The following RPS6KA3 variants were observed in gnomAD, a reference collection of about 807,000 sequenced individuals.
RPS6KA3 encodes ribosomal protein S6 kinase A3.
RPS6KA3 carries 4 observed loss-of-function variants against 67.2 expected under a neutral mutation model. That is an observed-to-expected ratio of 0.06 (90% CI 0.03 to 0.14). The LOEUF (loss-of-function observed/expected upper bound fraction) is 0.14. RPS6KA3 is among the 10% of genes least tolerant of loss of function. The pLI is 1.00. For synonymous variants in RPS6KA3, 182 were observed against 183.7 expected (o/e 0.99, Z 0.07); for missense variants, 204 against 559.0 (o/e 0.36, Z 6.40).
intron 1 of RPS6KA3, among the ~76,000 whole-genome samples, chrX:20,251,156 A>C (rs1009260249): frequency 9.0e-6 from 1 of 111,465 alleles, no homozygotes; most frequent in African/African-American, 3.3e-5. Flanking sequence ...TTTTGAGATG[A>C]GGTCTCACTG....
At chrX:20,218,877 G>T in intron 2 of RPS6KA3, 1 of 1,157,215 alleles carries the variant, frequency 8.6e-7, no homozygotes, top group Non-Finnish European at 1.2e-6. Context: ...AATTTCTGAC[G>T]GTAAAACTTA....
intron 2 of RPS6KA3, among the ~76,000 whole-genome samples, chrX:20,210,628 C>G (rs954629364): frequency 6.3e-5 from 7 of 111,260 alleles, no homozygotes; most frequent in African/African-American, 2.0e-4. Flanking sequence ...GGAATCCAGG[C>G]CCACTACTTT....
At chrX:20,228,871 C>A (rs1041220287) in intron 2 of RPS6KA3, among the ~76,000 whole-genome samples, 9 of 111,955 alleles carry the variant, frequency 8.0e-5, no homozygotes, top group African/African-American at 1.9e-4. Context: ...ATTTCTTATT[C>A]TCCTTGTTGT....
At chrX:20,175,802 A>G (rs186870625) in intron 13 of RPS6KA3, among the ~76,000 whole-genome samples, 1 of 111,843 alleles carries the variant, frequency 8.9e-6, no homozygotes, top group African/African-American at 3.2e-5. Context: ...GGAACAGGGG[A>G]GATACAAGGT....
In RPS6KA3 at chrX:20,151,876, T is replaced by C. The variant is rs1170709911; in HGVS notation, c.*3522A>G. ...GCTGGGCTTACCTGAGTCCCTTTTC[T>C]GCCGAATACATTCTGCCCTCTCTTG... On this transcript the variant is annotated 3_prime_UTR_variant, in exon 22 of 22. Coordinates refer to ENST00000379565, the MANE Select transcript of RPS6KA3 (RefSeq NM_004586.3). 2.7e-5 allele frequency: 3 copies of C among 111,910 alleles called. No homozygotes were observed. The highest frequency in any genetic ancestry group is 9.8e-5 in the African/African-American group (3 of 30,742). The allele number at this position is 111,910 out of a possible 1,213,427, so 9.2% of individuals were successfully genotyped here. A position where few individuals can be genotyped will look rare whatever the true frequency, so the allele number is the denominator to read the frequency against.
intron 10 of RPS6KA3, among the ~76,000 whole-genome samples, chrX:20,179,206 C>T (rs115669533): frequency 0.023 from 2,535 of 111,745 alleles, 78 homozygotes; most frequent in African/African-American, 0.079. Flanking sequence ...ATGCTGATAA[C>T]TGGGAGTATA....
intron 1 of RPS6KA3, among the ~76,000 whole-genome samples, chrX:20,261,620 T>A (rs200402662): frequency 8.9e-6 from 1 of 112,523 alleles, no homozygotes; most frequent in Non-Finnish European, 1.9e-5. Flanking sequence ...TAATGTGCTA[T>A]ATGGATACAT....
chrX:20,176,275 A>G lies in RPS6KA3; in HGVS notation c.1077T>C (p.Pro359=). The change falls in exon 13 of 22, where the codon CCT becomes CCC. Residue 359 remains proline (P), a synonymous_variant. Transcript: ENST00000379565. ...CTTTGGGAGTTTTTGCAGTAAACTC[A>G]GGATCAAAATAGAATGTATCTTCAG... ...GRPEDTFYFD[P]EFTAKTPKDS... is the part of the protein sequence containing the mutation. 4 of 1,188,489 alleles carry G rather than the reference A, an allele frequency of 3.4e-6. No homozygotes were observed. Among genetic ancestry groups the G allele is most frequent in the Non-Finnish European group, 3.4e-6 (3 of 875,966 alleles).
chrX:20,162,903 A>G, intron 19 of RPS6KA3, 61 bp downstream of exon 19: 1 of 808,894 alleles, frequency 1.2e-6, no homozygotes. Flanking sequence ...AACCTAGATA[A>G]CTTAAGCAAA....
At chrX:20,188,053 A>G (rs1320896702) in intron 8 of RPS6KA3, 83 bp from the exon 9 acceptor site, 2 of 903,328 alleles carry the variant, frequency 2.2e-6, no homozygotes, top group African/African-American at 4.0e-5. Context: ...TAATCATTTA[A>G]AATTTCTAAT....
chrX:20,227,136 C>T (rs1194801196), intron 2 of RPS6KA3, among the ~76,000 whole-genome samples: 1 of 111,231 alleles, frequency 9.0e-6, no homozygotes, highest in Non-Finnish European at 1.9e-5. Flanking sequence ...CTTCTATTCC[C>T]CCACCTCTTC....
At chrX:20,190,297 C>G (rs1194980401) in intron 7 of RPS6KA3, among the ~76,000 whole-genome samples, 2 of 111,438 alleles carry the variant, frequency 1.8e-5, no homozygotes, top group African/African-American at 6.5e-5. Context: ...TCTGAAAAAC[C>G]CTTAACAGTT....
intron 2 of RPS6KA3, among the ~76,000 whole-genome samples, chrX:20,215,482 C>G (rs1439988627): frequency 8.9e-6 from 1 of 111,753 alleles, no homozygotes; most frequent in Non-Finnish European, 1.9e-5. Flanking sequence ...TCTGTTCCTT[C>G]TAAGTTTAAA....
intron 21 of RPS6KA3, among the ~76,000 whole-genome samples, 179 bp downstream of exon 21, chrX:20,155,930 T>C (rs1193692645): frequency 1.8e-5 from 2 of 112,326 alleles, no homozygotes; most frequent in African/African-American, 6.5e-5. Context: ...GCTCTTAAAC[T>C]AGTTTTATTA....
At chrX:20,206,618 GT>G (rs1387465254) in intron 3 of RPS6KA3, among the ~76,000 whole-genome samples, 1 of 112,224 alleles carries the variant, frequency 8.9e-6, no homozygotes, top group Admixed American at 9.5e-5. Context: ...ATTTAGTCTA[GT>G]GGGGGAGACA....
chrX:20,181,883 G>A (rs1269215802), intron 10 of RPS6KA3, among the ~76,000 whole-genome samples: 1 of 111,811 alleles, frequency 8.9e-6, no homozygotes, highest in African/African-American at 3.2e-5. Flanking sequence ...AAGGATGCAG[G>A]AAGATGGTAC....
rs182740040 is a variant in RPS6KA3, at chrX:20,226,394, G to A, written c.126+8364C>T. On this transcript the variant is annotated intron_variant, in intron 2 of 21. Transcript: ENST00000379565. ...CATACACTAAGAAGGTCTGAGTGAC[G>A]GTATTTAATGTTCAGGAGAAATCGG... 2.4e-3 allele frequency among the ~76,000 whole-genome samples: 271 copies of A among 111,212 alleles called. 1 individual carries two copies. The highest frequency in any genetic ancestry group is 8.5e-3 in the African/African-American group (260 of 30,633).
intron 15 of RPS6KA3, among the ~76,000 whole-genome samples, chrX:20,169,900 A>ATATATC (rs201893570): frequency 0.069 from 7,690 of 112,049 alleles, 633 homozygotes; most frequent in African/African-American, 0.23. Context: ...TAAGAGCTAG[A>ATATATC]TATAACACCA....
At chrX:20,249,072 T>C (rs1357064490) in intron 1 of RPS6KA3, among the ~76,000 whole-genome samples, 1 of 112,391 alleles carries the variant, frequency 8.9e-6, no homozygotes, top group Non-Finnish European at 1.9e-5. Flanking sequence ...ATATAAATCA[T>C]ATAGCATGTG....
Sources: gnomAD v4.1 joint callset for allele counts (sites outside exome capture counted in the v4.1 genomes callset) on GRCh38, gnomAD v4.1.1 for gene constraint, MANE v1.5 for transcripts, NCBI Gene and HGNC (gene_info 2026-07-23, HGNC 2026-07-21) for gene names.